DYRK1A: variants seen among roughly 807,000 people sequenced by gnomAD.
DYRK1A encodes the protein dual specificity tyrosine phosphorylation regulated kinase 1A.
In DYRK1A, 9 loss-of-function variants were observed where a neutral mutation model predicts 79.7. The observed-to-expected ratio is 0.11, with a 90% CI of 0.07 to 0.20. The LOEUF (loss-of-function observed/expected upper bound fraction) is 0.20, where lower values mean the gene tolerates loss of function less well. Ranked by LOEUF, DYRK1A falls within the 10% of genes least tolerant of loss-of-function variation. The pLI is 1.00. For synonymous variants in DYRK1A, 349 were observed against 329.7 expected, an observed-to-expected ratio of 1.06 and a Z score of -0.63; for missense variants, 622 against 956.0, an observed-to-expected ratio of 0.65 and a Z score of 4.61.
intron 4 of DYRK1A, among the ~76,000 whole-genome samples, chr21:37,480,124 T>C (rs2052583963): frequency 6.6e-6 from 1 of 152,298 alleles, no homozygotes; most frequent in African/African-American, 2.4e-5. Flanking sequence ...ATTTTAAAAA[T>C]ATGTTGCCAT....
At chr21:37,479,551 T>C (rs563525696) in intron 4 of DYRK1A, among the ~76,000 whole-genome samples, 1 of 143,246 alleles carries the variant, frequency 7.0e-6, no homozygotes, top group African/African-American at 2.9e-5. Flanking sequence ...GTTCATCTAG[T>C]ATTTTTTTTT....
rs771976084 is a variant in DYRK1A, at chr21:37,524,585, CAA to C, written c.*12056_*12057del. ...TGGCCTTTCCACGACAACAGTTGCT[CAA>C]AGAGTTGACATTAGGAATGACATCA... On this transcript the variant is annotated 3_prime_UTR_variant, in exon 12 of 12. Coordinates refer to ENST00000647188, the MANE Select transcript of DYRK1A (RefSeq NM_001347721.2). 2 of 152,174 alleles carry C rather than the reference CAA, an allele frequency of 1.3e-5. No homozygotes were observed. Among genetic ancestry groups the C allele is most frequent in the Non-Finnish European group, 1.5e-5 (1 of 68,036 alleles). The allele number at this position is 152,174 out of a possible 1,614,324, so 9.4% of individuals were successfully genotyped here. A position where few individuals can be genotyped will look rare whatever the true frequency, so the allele number is the denominator to read the frequency against.
At chr21:37,476,995 C>G (rs953347724) in intron 3 of DYRK1A, among the ~76,000 whole-genome samples, 3 of 152,166 alleles carry the variant, frequency 2.0e-5, no homozygotes, top group Admixed American at 6.5e-5. Flanking sequence ...TAGTAAAGTT[C>G]ATGATTTACA....
intron 1 of DYRK1A, among the ~76,000 whole-genome samples, chr21:37,370,785 C>T (rs939593159): frequency 1.3e-5 from 2 of 152,132 alleles, no homozygotes; most frequent in African/African-American, 4.8e-5. Flanking sequence ...GTGATTTTAC[C>T]TCCATATATG....
In DYRK1A at chr21:37,417,506, C is replaced by CTTTTCTTTTTCT. The variant is rs3831374; in HGVS notation, c.-76-2776_-76-2765dup. Among the ~76,000 whole-genome samples, 129 of 70,464 alleles carry CTTTTCTTTTTCT rather than the reference C, an allele frequency of 1.8e-3. 3 individuals carry two copies. Among genetic ancestry groups the CTTTTCTTTTTCT allele is most frequent in the South Asian group, 0.013 (18 of 1,426 alleles). The allele number at this position is 70,464 out of a possible 152,430, so 46.2% of individuals were successfully genotyped here. ...TCCCGGCCTTGTATTTTTTATTTTT[C>CTTTTCTTTTTCT]TTTTCTTTTTCTTTTTCTTTTTCTT... is the stretch of plus-strand genomic sequence containing the variant. On this transcript the variant is annotated intron_variant, in intron 1 of 11. Transcript: ENST00000647188.
In DYRK1A at chr21:37,525,940, T is replaced by G. The variant is rs1322183345; in HGVS notation, c.*13409T>G. On this transcript the variant is annotated 3_prime_UTR_variant, in exon 12 of 12. Transcript: ENST00000647188. The stretch of plus-strand genomic sequence containing the variant: ...CTGAATAGTTTTGGAAATTCACTTT[T>G]GCTGCAGACTTGATAGTGTTTCTTA... The G allele has an allele frequency of 6.6e-6, 1 of 152,246 alleles. No individual in the cohort carries two copies. The highest frequency in any genetic ancestry group is 1.5e-5 in the Non-Finnish European group (1 of 68,040). 9.4% of individuals were successfully genotyped at this position (152,246 alleles called of 1,614,324 possible).
At chr21:37,488,341 T>G (rs1489083741) in intron 6 of DYRK1A, 1 of 958,286 alleles carries the variant, frequency 1.0e-6, no homozygotes, top group Admixed American at 6.2e-5. Context: ...AATTGATACC[T>G]TAAACTTAAG....
chr21:37,419,915 CT>C (rs1270684802), intron 1 of DYRK1A: 1 of 152,544 alleles, frequency 6.6e-6, no homozygotes, highest in Non-Finnish European at 1.5e-5. Flanking sequence ...TAATAGTAAA[CT>C]ACTATGAAAG....
At chr21:37,483,634 G>A (rs1040849800) in intron 5 of DYRK1A, among the ~76,000 whole-genome samples, 1 of 152,104 alleles carries the variant, frequency 6.6e-6, no homozygotes, top group African/African-American at 2.4e-5. Flanking sequence ...CCTGGCAGGA[G>A]TGCAGTGGAG....
chr21:37,511,839 A>G lies in DYRK1A; in HGVS notation c.1645-72A>G, dbSNP rs1447453845. On this transcript the variant is annotated intron_variant, in intron 11 of 11. Coordinates refer to ENST00000647188, the MANE Select transcript of DYRK1A (RefSeq NM_001347721.2). ...AATATGATGCTAGTTTGTTAGTGTCATGGCTTTTGATGGAAGATTAAAGCT... is the reference window on the plus strand; with the variant it reads ...AATATGATGCTAGTTTGTTAGTGTCGTGGCTTTTGATGGAAGATTAAAGCT... 3.3e-6 allele frequency: 5 copies of G among 1,526,140 alleles called. No individual in the cohort carries two copies. In the African/African-American group the frequency reaches 4.1e-5, roughly 13 times the overall value. 94.5% of individuals were successfully genotyped at this position (1,526,140 alleles called of 1,614,324 possible).
chr21:37,488,476 G>C (rs1220966489), intron 6 of DYRK1A: 2 of 781,030 alleles, frequency 2.6e-6, no homozygotes. Context: ...CTTCTTTACT[G>C]TGTAGCCAAA....
At chr21:37,509,836 C>G (rs2053701265) in intron 11 of DYRK1A, among the ~76,000 whole-genome samples, 1 of 152,284 alleles carries the variant, frequency 6.6e-6, no homozygotes, top group East Asian at 1.9e-4. Context: ...TCCACAGTTC[C>G]AGTTATTCAG....
intron 9 of DYRK1A, among the ~76,000 whole-genome samples, chr21:37,496,544 G>C (rs1218380073): frequency 4.6e-5 from 7 of 152,150 alleles, no homozygotes. Flanking sequence ...GGTTTCAACA[G>C]TAGAATTAAT....
intron 11 of DYRK1A, among the ~76,000 whole-genome samples, chr21:37,507,275 C>T (rs1013650106): frequency 1.3e-5 from 2 of 152,194 alleles, no homozygotes; most frequent in Non-Finnish European, 2.9e-5. Context: ...CCCCTCTCTC[C>T]TGCCATCATG....
Position 37,426,651 on chromosome 21 carries a change from C to T in DYRK1A, c.10+6267C>T, listed in dbSNP as rs562812447. 3.3e-5 allele frequency among the ~76,000 whole-genome samples: 5 copies of T among 151,870 alleles called. No individual in the cohort carries two copies. In the East Asian group the frequency reaches 9.7e-4, roughly 29 times the overall value. On this transcript the variant is annotated intron_variant, in intron 2 of 11. Transcript: ENST00000647188. ...ACCAGCCGGGTGTGGTGGCTCACGC[C>T]TGTAATCTCAGCACTTTGGGAGGCC...
At chr21:37,391,272 G>A (rs978006107) in intron 1 of DYRK1A, among the ~76,000 whole-genome samples, 1 of 152,090 alleles carries the variant, frequency 6.6e-6, no homozygotes, top group African/African-American at 2.4e-5. Flanking sequence ...CCTCCTGTTC[G>A]TCCTCTTTCC....
chr21:37,389,503 G>A (rs891582323), intron 1 of DYRK1A, among the ~76,000 whole-genome samples: 14 of 152,126 alleles, frequency 9.2e-5, no homozygotes, highest in Non-Finnish European at 2.1e-4. Flanking sequence ...TTGAACTTAT[G>A]GATATATGGA....
At chr21:37,418,588 A>C (rs2050403579) in intron 1 of DYRK1A, among the ~76,000 whole-genome samples, 1 of 152,210 alleles carries the variant, frequency 6.6e-6, no homozygotes, top group Non-Finnish European at 1.5e-5. Context: ...TCATAGCTAG[A>C]GATTGAATTT....
At chr21:37,372,448 CAA>C (rs60876813) in intron 1 of DYRK1A, among the ~76,000 whole-genome samples, 63 of 117,192 alleles carry the variant, frequency 5.4e-4, no homozygotes, top group Admixed American at 6.2e-4. Flanking sequence ...AGCACTGTCT[CAA>C]AAAAAAAAAA....
Sources: allele counts gnomAD v4.1 joint callset (sites outside exome capture counted in the v4.1 genomes callset), GRCh38; gene constraint gnomAD v4.1.1; transcripts MANE v1.5; gene names NCBI Gene and HGNC (gene_info 2026-07-23, HGNC 2026-07-21).